Variants in SOX5 observed in about 807,000 individuals in gnomAD.
The protein encoded by SOX5 is transcription factor SOX-5.
Under a neutral mutation model 92.0 loss-of-function variants are expected in SOX5, and 9 were observed. That is an observed-to-expected ratio of 0.10 (90% CI 0.06 to 0.17). The LOEUF (loss-of-function observed/expected upper bound fraction) is 0.17, where lower values mean the gene tolerates loss of function less well. Among genes scored for constraint, SOX5 ranks in the 10% least tolerant of loss-of-function variants. The pLI is 1.00. For synonymous variants in SOX5, 344 were observed against 336.3 expected, an observed-to-expected ratio of 1.02 and a Z score of -0.25; for missense variants, 642 against 944.5, an observed-to-expected ratio of 0.68 and a Z score of 4.20.
At chr12:24,068,809 A>G (rs1289033532) in intron 4 of SOX5, among the ~76,000 whole-genome samples, 1 of 148,282 alleles carries the variant, frequency 6.7e-6, no homozygotes, top group Admixed American at 6.7e-5. Context: ...TATCACCACT[A>G]TATACATAAG....
At chr12:24,415,151 A>C (rs988060104) in intron 1 of SOX5, among the ~76,000 whole-genome samples, 13 of 152,202 alleles carry the variant, frequency 8.5e-5, no homozygotes, top group Admixed American at 3.9e-4. Flanking sequence ...AAAGTAAAAT[A>C]GATATATCCC....
At chr12:24,311,720 G>A (rs942793997) in intron 2 of SOX5, among the ~76,000 whole-genome samples, 1 of 152,122 alleles carries the variant, frequency 6.6e-6, no homozygotes, top group African/African-American at 2.4e-5. Context: ...ACACCACTTA[G>A]TTCTATTTAA....
chr12:23,562,450 A>G (rs10842180), intron 11 of SOX5, among the ~76,000 whole-genome samples: 30,978 of 152,134 alleles, frequency 0.2, 3,525 homozygotes, highest in Middle Eastern at 0.37. Flanking sequence ...GCTTCCCATT[A>G]TGATTAACTT....
At chr12:23,845,443 G>A (rs796275252) in intron 3 of SOX5, among the ~76,000 whole-genome samples, 5 of 152,240 alleles carry the variant, frequency 3.3e-5, no homozygotes, top group African/African-American at 1.2e-4. Context: ...AAGAGATTTA[G>A]AGGATAAAAT....
intron 2 of SOX5, among the ~76,000 whole-genome samples, chr12:24,336,965 C>A (rs1385926212): frequency 1.3e-5 from 2 of 152,180 alleles, no homozygotes; most frequent in African/African-American, 4.8e-5. Context: ...CTACATTATT[C>A]TTTTGTGGAA....
chr12:23,871,697 T>C (rs2096873686), intron 2 of SOX5, among the ~76,000 whole-genome samples: 1 of 152,120 alleles, frequency 6.6e-6, no homozygotes. Context: ...ATTTTATGAC[T>C]CCGTTGGTAT....
At chr12:24,450,582 C>T (rs1164744802) in intron 1 of SOX5, among the ~76,000 whole-genome samples, 1 of 151,960 alleles carries the variant, frequency 6.6e-6, no homozygotes, top group East Asian at 1.9e-4. Flanking sequence ...GCAACTTCTG[C>T]CTCCCAGGCT....
intron 2 of SOX5, among the ~76,000 whole-genome samples, chr12:24,341,617 A>G (rs190727680): frequency 1.3e-5 from 2 of 152,356 alleles, no homozygotes; most frequent in East Asian, 3.8e-4. Flanking sequence ...CACTGTTTCT[A>G]TCACAGGAAG....
At chr12:24,311,562 C>T (rs1949180977) in intron 2 of SOX5, among the ~76,000 whole-genome samples, 1 of 152,244 alleles carries the variant, frequency 6.6e-6, no homozygotes, top group African/African-American at 2.4e-5. Flanking sequence ...TAACTAAAAC[C>T]TGATGTCTCT....
At chr12:23,559,996 C>T (rs1301762204) in intron 11 of SOX5, among the ~76,000 whole-genome samples, 7 of 152,000 alleles carry the variant, frequency 4.6e-5, no homozygotes, top group African/African-American at 1.2e-4. Context: ...CTGCAACCTC[C>T]GCCTCCAGGT....
Position 23,563,196 on chromosome 12 carries a change from T to TA in SOX5, c.1488+61dup, listed in dbSNP as rs532703785. 1,003 of 1,320,460 alleles carry TA rather than the reference T, an allele frequency of 7.6e-4. 8 individuals are homozygous for TA. In the African/African-American group the frequency reaches 0.013, roughly 17 times the overall value. The allele number at this position is 1,320,460 out of a possible 1,614,324, so 81.8% of individuals were successfully genotyped here. A position where few individuals can be genotyped will look rare whatever the true frequency, so the allele number is the denominator to read the frequency against. On this transcript the variant is annotated intron_variant, in intron 11 of 14. Transcript: ENST00000451604. ...TAAGAAGATGGAAATATATTTTTTT[T>TA]AAAAAAGCATTAGGCAATTTAATTA... is the stretch of plus-strand genomic sequence containing the variant.
At chr12:23,758,634 A>T (rs941483071) in intron 3 of SOX5, among the ~76,000 whole-genome samples, 5 of 151,980 alleles carry the variant, frequency 3.3e-5, no homozygotes, top group African/African-American at 1.2e-4. Context: ...TTGGATCCCA[A>T]AATCTTTGTT....
chr12:23,902,615 A>G (rs1441058358), intron 1 of SOX5, among the ~76,000 whole-genome samples: 1 of 152,176 alleles, frequency 6.6e-6, no homozygotes, highest in Non-Finnish European at 1.5e-5. Context: ...AGTATCTGAA[A>G]CTACAATAGA....
chr12:24,476,078 G>A (rs181904933), intron 1 of SOX5, among the ~76,000 whole-genome samples: 36 of 151,892 alleles, frequency 2.4e-4, no homozygotes, highest in African/African-American at 8.0e-4. Flanking sequence ...CATCTAACAC[G>A]TGCTAGGCAG....
intron 6 of SOX5, among the ~76,000 whole-genome samples, chr12:23,667,055 G>T (rs927501006): frequency 6.6e-6 from 1 of 151,998 alleles, no homozygotes; most frequent in Admixed American, 6.6e-5. Context: ...AGTGTGGGGG[G>T]CAGCGAGGAC....
At chr12:23,963,334 T>C (rs1431395599) in intron 4 of SOX5, among the ~76,000 whole-genome samples, 1 of 152,182 alleles carries the variant, frequency 6.6e-6, no homozygotes, top group Non-Finnish European at 1.5e-5. Flanking sequence ...ACATCACTTA[T>C]GTTCTATTAC....
At chr12:24,373,103 C>T (rs1596024610) in intron 1 of SOX5, among the ~76,000 whole-genome samples, 2 of 149,702 alleles carry the variant, frequency 1.3e-5, no homozygotes, top group Middle Eastern at 6.8e-3. Flanking sequence ...CAGTAACAAA[C>T]CTGAGACCCA....
At chr12:24,491,635 C>T (rs911613927) in intron 1 of SOX5, among the ~76,000 whole-genome samples, 1 of 151,782 alleles carries the variant, frequency 6.6e-6, no homozygotes, top group Non-Finnish European at 1.5e-5. Context: ...TAAACAAGAA[C>T]AAGGAGATAA....
intron 2 of SOX5, among the ~76,000 whole-genome samples, chr12:24,324,366 G>A (rs1418875524): frequency 6.6e-6 from 1 of 152,020 alleles, no homozygotes; most frequent in East Asian, 1.9e-4. Context: ...TCCAAGACAA[G>A]CTATCTTCTG....
Sources: gnomAD v4.1 joint callset for allele counts (sites outside exome capture counted in the v4.1 genomes callset) on GRCh38, gnomAD v4.1.1 for gene constraint, MANE v1.5 for transcripts, NCBI Gene and HGNC (gene_info 2026-07-23, HGNC 2026-07-21) for gene names.